Variants in LRTM1 observed in about 807,000 individuals in gnomAD.
The protein encoded by LRTM1 is leucine-rich repeat and transmembrane domain-containing protein 1.
A neutral mutation model predicts 32.4 loss-of-function variants in LRTM1; 38 were observed. The observed-to-expected ratio is 1.17, with a 90% CI of 0.91 to 1.54. The LOEUF (loss-of-function observed/expected upper bound fraction) is 1.54. Ranked by LOEUF, LRTM1 falls within the 40% of genes most tolerant of loss-of-function variation. The pLI is 0.00. For missense variants in LRTM1, 466 were observed against 415.4 expected (o/e 1.12, Z -1.06); for synonymous variants, 186 against 169.9 (o/e 1.09, Z -0.74).
chr3:54,925,144 A>G lies in LRTM1; in HGVS notation c.79T>C (p.Cys27Arg), dbSNP rs545433864. 9.9e-6 allele frequency: 16 copies of G among 1,614,128 alleles called. No homozygotes were observed. Among genetic ancestry groups the G allele is most frequent in the Non-Finnish European group, 1.1e-5 (13 of 1,180,026 alleles). ...TCTACAAAATTTGTAGATGACTGAC[A>G]GTAACACTTGTCCGGGCAGCTGCAT... ...VVCSCPDKCY[C>R]QSSTNFVDCS... The change falls in exon 2 of 3, where the codon TGT (cysteine) becomes CGT (arginine). Residue 27 changes from cysteine (C) to arginine (R), a missense_variant. Physicochemically the swap from Cys to Arg is radical, Grantham distance 180. Coordinates refer to ENST00000273286, the MANE Select transcript of LRTM1 (RefSeq NM_020678.4).
At chr3:54,957,619 G>A (rs897711402) in intron 1 of LRTM1, among the ~76,000 whole-genome samples, 1 of 152,152 alleles carries the variant, frequency 6.6e-6, no homozygotes, top group Non-Finnish European at 1.5e-5. Context: ...GAGGGCCGGT[G>A]GGGAAGTGCT....
At chr3:54,956,174 T>C (rs78495174) in intron 1 of LRTM1, among the ~76,000 whole-genome samples, 2 of 152,168 alleles carry the variant, frequency 1.3e-5, no homozygotes, top group African/African-American at 4.8e-5. Flanking sequence ...CACCCAGGTG[T>C]TTGACTTTGA....
At chr3:54,918,991 G>A in intron 2 of LRTM1, 99 bp from the exon 3 acceptor site, 1 of 919,912 alleles carries the variant, frequency 1.1e-6, no homozygotes, top group Non-Finnish European at 1.5e-6. Flanking sequence ...AATTTATGAA[G>A]TACCTTTTTT....
At chr3:54,945,156 A>AT (rs1371083702) in intron 1 of LRTM1, among the ~76,000 whole-genome samples, 4 of 152,060 alleles carry the variant, frequency 2.6e-5, no homozygotes, top group African/African-American at 9.7e-5. Context: ...GCAGGTACTC[A>AT]TTTTCCCAGT....
chr3:54,925,265 G>T, intron 1 of LRTM1, 50 bp from the exon 2 acceptor site: 1 of 1,462,140 alleles, frequency 6.8e-7, no homozygotes, highest in Non-Finnish European at 9.4e-7. Context: ...GTGAGGTGTG[G>T]TATCAGCACT....
At chr3:54,962,874 T>G (rs1319444152) in intron 1 of LRTM1, among the ~76,000 whole-genome samples, 2 of 152,202 alleles carry the variant, frequency 1.3e-5, no homozygotes, top group Non-Finnish European at 2.9e-5. Context: ...CCCTCTAGTA[T>G]GTTGCAAGTT....
intron 2 of LRTM1, among the ~76,000 whole-genome samples, chr3:54,920,058 C>G (rs1161311006): frequency 1.3e-5 from 2 of 152,176 alleles, no homozygotes; most frequent in Non-Finnish European, 2.9e-5. Context: ...TAAGCACCTC[C>G]CCTAGGCCAG....
chr3:54,961,922 G>C (rs1018963706), intron 1 of LRTM1, among the ~76,000 whole-genome samples: 1 of 152,074 alleles, frequency 6.6e-6, no homozygotes, highest in Non-Finnish European at 1.5e-5. Flanking sequence ...CATGTGGTGA[G>C]GGACTTGCTG....
chr3:54,965,587 T>C (rs1702129805), intron 1 of LRTM1, among the ~76,000 whole-genome samples: 1 of 152,198 alleles, frequency 6.6e-6, no homozygotes, highest in African/African-American at 2.4e-5. Flanking sequence ...GTACCCAGTG[T>C]AGAGCTTAGT....
intron 1 of LRTM1, among the ~76,000 whole-genome samples, chr3:54,951,780 G>A (rs1003047285): frequency 6.6e-6 from 1 of 152,202 alleles, no homozygotes; most frequent in Non-Finnish European, 1.5e-5. Context: ...ATAACACAGG[G>A]TGGGTTCCTG....
intron 1 of LRTM1, among the ~76,000 whole-genome samples, chr3:54,959,980 C>T (rs1400424748): frequency 5.3e-5 from 8 of 151,768 alleles, no homozygotes; most frequent in Non-Finnish European, 8.8e-5. Flanking sequence ...CAACATCAAT[C>T]CAGTCAAGTA....
At chr3:54,963,437 C>A (rs897439195) in intron 1 of LRTM1, among the ~76,000 whole-genome samples, 4 of 152,190 alleles carry the variant, frequency 2.6e-5, no homozygotes, top group Non-Finnish European at 5.9e-5. Flanking sequence ...AGTACCGTAG[C>A]CTCTAGCACC....
chr3:54,962,969 TA>T (rs1486054543), intron 1 of LRTM1, among the ~76,000 whole-genome samples: 1 of 152,252 alleles, frequency 6.6e-6, no homozygotes, highest in Non-Finnish European at 1.5e-5. Flanking sequence ...GTTTTATTTC[TA>T]ATTTTATATT....
At chr3:54,945,116 G>C (rs950197177) in intron 1 of LRTM1, among the ~76,000 whole-genome samples, 1 of 152,166 alleles carries the variant, frequency 6.6e-6, no homozygotes, top group Non-Finnish European at 1.5e-5. Flanking sequence ...GGCAGGGAAA[G>C]GAAGGTTAGG....
intron 1 of LRTM1, among the ~76,000 whole-genome samples, chr3:54,947,698 A>G (rs575037941): frequency 6.6e-6 from 1 of 152,278 alleles, no homozygotes; most frequent in East Asian, 1.9e-4. Flanking sequence ...CCTGACTCTT[A>G]TCAGTCAGGA....
In LRTM1 at chr3:54,918,256, T is replaced by C; in HGVS notation, c.*203A>G. 1.8e-6 allele frequency: 1 copy of C among 561,816 alleles called. No homozygotes were observed. The highest frequency in any genetic ancestry group is 2.4e-5 in the South Asian group (1 of 41,682). The allele number at this position is 561,816 out of a possible 1,614,324, so 34.8% of individuals were successfully genotyped here. On this transcript the variant is annotated 3_prime_UTR_variant, in exon 3 of 3. Coordinates refer to ENST00000273286, the MANE Select transcript of LRTM1 (RefSeq NM_020678.4). ...CCAGAGCACAAGTATCATCTTTATT[T>C]TACCTATAGTATTTTAAAAATCGCA...
intron 1 of LRTM1, among the ~76,000 whole-genome samples, chr3:54,950,826 A>G (rs1245207026): frequency 1.3e-5 from 2 of 152,154 alleles, no homozygotes; most frequent in Admixed American, 6.5e-5. Context: ...GCATGGTGAC[A>G]TGTGAGGTTT....
upstream of LRTM1, among the ~76,000 whole-genome samples, chr3:54,928,531 G>T (rs1377968131): frequency 6.6e-6 from 1 of 152,120 alleles, no homozygotes; most frequent in Non-Finnish European, 1.5e-5. Context: ...GCACTTCTTT[G>T]GTCATCGAAG....
At chr3:54,940,012 G>T (rs999369905) in intron 1 of LRTM1, among the ~76,000 whole-genome samples, 4 of 151,978 alleles carry the variant, frequency 2.6e-5, no homozygotes, top group Non-Finnish European at 5.9e-5. Context: ...CTGAGCAGAT[G>T]AGCATCTCAG....
Sources: allele counts gnomAD v4.1 joint callset (sites outside exome capture counted in the v4.1 genomes callset), GRCh38; gene constraint gnomAD v4.1.1; transcripts MANE v1.5; gene names NCBI Gene and HGNC (gene_info 2026-07-23, HGNC 2026-07-21).